Variants in CACTIN observed in about 807,000 individuals in gnomAD.
The protein encoded by CACTIN is splicing factor Cactin.
Under a neutral mutation model 84.9 loss-of-function variants are expected in CACTIN, and 20 were observed. That is an observed-to-expected ratio of 0.24 (90% CI 0.17 to 0.34). The LOEUF is 0.34. Ranked by LOEUF, CACTIN falls within the 10% of genes least tolerant of loss-of-function variation. The pLI is 1.00. For synonymous variants in CACTIN, 549 were observed against 467.9 expected (o/e 1.17, Z -2.24); for missense variants, 897 against 1,117.2 (o/e 0.80, Z 2.81).
chr19:3,617,788 G>C (rs879607235), intron 6 of CACTIN, among the ~76,000 whole-genome samples: 9 of 152,200 alleles, frequency 5.9e-5, no homozygotes, highest in Non-Finnish European at 1.2e-4. Flanking sequence ...ACCCTTAACG[G>C]ACACACCTCT....
rs778492702 is a variant in CACTIN, at chr19:3,613,404, C to T, written c.1479-39G>A. On this transcript the variant is annotated intron_variant, in intron 8 of 9. Transcript: ENST00000429344. ...GCGTTGGAGGCGCGGAGGCTGCCCA[C>T]GGCCCCTCCATCCTGCTCCGCGTCT... The T allele has an allele frequency of 8.5e-6, 13 of 1,536,562 alleles. No homozygotes were observed. The South Asian group carries it at 9.5e-5, about 11-fold the overall frequency.
At chr19:3,616,453 C>CA (rs1568293249) in intron 6 of CACTIN, 1 of 151,792 alleles carries the variant, frequency 6.6e-6, no homozygotes, top group Non-Finnish European at 1.5e-5. Context: ...TACTAAAATA[C>CA]AAAAAATTAG....
Position 3,613,239 on chromosome 19 carries a change from G to GCCCTCGCCCTCA in CACTIN, c.1593_1604dup (p.Gly535_Glu538dup). On this transcript the variant is annotated inframe_insertion, in exon 9 of 10. Coordinates refer to ENST00000429344, the MANE Select transcript of CACTIN (RefSeq NM_001080543.2). Reference sequence around the variant, plus strand: ...CCTCCATGAGCACCGCCTCGCCCTCGCCCTCGCCCTCACCGTCCCCGTCGC... The same window carrying GCCCTCGCCCTCA: ...CCTCCATGAGCACCGCCTCGCCCTCGCCCTCGCCCTCACCCTCGCCCTCACCGTCCCCGTCGC... 4.3e-6 allele frequency: 7 copies of GCCCTCGCCCTCA among 1,610,538 alleles called. No individual in the cohort carries two copies. Among genetic ancestry groups the GCCCTCGCCCTCA allele is most frequent in the Non-Finnish European group, 5.9e-6 (7 of 1,179,106 alleles).
At chr19:3,619,018 C>T (rs200351614) in intron 5 of CACTIN, 29 bp from the exon 6 acceptor site, 236 of 1,546,082 alleles carry the variant, frequency 1.5e-4, no homozygotes, top group East Asian at 9.8e-4. Context: ...GGTCAGGACA[C>T]GGGTGTGGCT....
intron 1 of CACTIN, among the ~76,000 whole-genome samples, 178 bp downstream of exon 1, chr19:3,626,418 C>G (rs1217251583): frequency 6.6e-6 from 1 of 152,260 alleles, no homozygotes; most frequent in Non-Finnish European, 1.5e-5. Flanking sequence ...GCCTGGAACG[C>G]CTCTCGCCTT....
intron 6 of CACTIN, chr19:3,616,463 G>GC (rs1388380699): frequency 6.6e-6 from 1 of 151,894 alleles, no homozygotes; most frequent in African/African-American, 2.4e-5. Context: ...CAAAAAATTA[G>GC]CCAGGTGTGG....
In CACTIN at chr19:3,612,375, G is replaced by T; in HGVS notation, c.1825C>A (p.Arg609=). The change falls in exon 10 of 10, where the codon CGG becomes AGG. Residue 609 remains arginine, a synonymous_variant. Transcript: ENST00000429344. ...TCCTGGCCCATGCCCTCCTTGGCCC[G>T]CCGGAAGAAGATGTCCTCGGCGCTC... ...SESAEDIFFR[R]AKEGMGQDEA... is the part of the protein sequence containing the mutation. The T allele has an allele frequency of 3.7e-6, 6 of 1,604,996 alleles. No homozygotes were observed. Among genetic ancestry groups the T allele is most frequent in the Non-Finnish European group, 5.1e-6 (6 of 1,177,164 alleles).
intron 2 of CACTIN, 52 bp from the exon 3 acceptor site, chr19:3,620,854 C>T (rs777989172): frequency 3.5e-6 from 5 of 1,428,636 alleles, no homozygotes. Flanking sequence ...CCCTCGCCCC[C>T]CTCCTCAGCT....
chr19:3,610,887 C>T lies in CACTIN; in HGVS notation c.*1036G>A, dbSNP rs776503386. ...CCGTTTTGCTTCTGTTGGAGATGTT[C>T]CCGTCGGATGCTGAAGAACAAGCCT... On this transcript the variant is annotated 3_prime_UTR_variant, in exon 10 of 10. Coordinates refer to ENST00000429344, the MANE Select transcript of CACTIN (RefSeq NM_001080543.2). 2.2e-6 allele frequency: 1 copy of T among 456,746 alleles called. No individual in the cohort carries two copies. The highest frequency in any genetic ancestry group is 1.5e-5 in the South Asian group (1 of 64,578). The allele number at this position is 456,746 out of a possible 1,614,324, so 28.3% of individuals were successfully genotyped here.
Position 3,619,238 on chromosome 19 carries a change from T to C in CACTIN, c.889A>G (p.Lys297Glu). The change falls in exon 5 of 10, where the codon AAG becomes GAG. Residue 297 changes from lysine (K) to glutamate (E), a missense_variant. This residue lies in a region of CACTIN where 304 missense variants were observed against 444.3 expected (regional missense o/e 0.68). Transcript: ENST00000429344. Reference protein sequence around the residue: ...FHLQQAKLRSKIRIRDGRAKP... With the variant: ...FHLQQAKLRSEIRIRDGRAKP... ...GCCCGCCCGTCCCGGATGCGGATCT[T>C]GGAACTGTGGGGAGCAGGGGAAGGT... 6.2e-7 allele frequency: 1 copy of C among 1,612,846 alleles called. No individual in the cohort carries two copies. The highest frequency in any genetic ancestry group is 8.5e-7 in the Non-Finnish European group (1 of 1,179,614).
chr19:3,622,890 G>A (rs1026465043), intron 2 of CACTIN, among the ~76,000 whole-genome samples: 16 of 152,210 alleles, frequency 1.1e-4, no homozygotes, highest in Non-Finnish European at 2.4e-4. Flanking sequence ...GCTGGTGTTC[G>A]GGGCAAAGAA....
rs367552752 is a variant in CACTIN at position 3,611,839 on chromosome 19, C to T, written c.*84G>A. The T allele has an allele frequency of 5.9e-6, 9 of 1,532,700 alleles. No homozygotes were observed. In the African/African-American group the frequency reaches 9.6e-5, roughly 16 times the overall value. The allele number at this position is 1,532,700 out of a possible 1,614,324, so 94.9% of individuals were successfully genotyped here. On this transcript the variant is annotated 3_prime_UTR_variant, in exon 10 of 10. Coordinates refer to ENST00000429344, the MANE Select transcript of CACTIN (RefSeq NM_001080543.2). ...TGAACCCGCGGCCCTGCAGCCCAGA[C>T]AGCGGCCCCGGAGTGACCACCAGCT...
At chr19:3,619,760 A>G (rs2033183831) in intron 4 of CACTIN, among the ~76,000 whole-genome samples, 1 of 152,014 alleles carries the variant, frequency 6.6e-6, no homozygotes, top group African/African-American at 2.4e-5. Context: ...GAGGAGCCTG[A>G]TGTCACCCGC....
Position 3,612,059 on chromosome 19 carries a change from G to A in CACTIN, c.2141C>T (p.Pro714Leu). 6.2e-7 allele frequency: 1 copy of A among 1,613,860 alleles called. No homozygotes were observed. Residue 714 changes from proline (P) to leucine (L), a missense_variant, in exon 10 of 10, where the codon CCG (proline) becomes CTG (leucine). Physicochemically the swap from Pro to Leu is moderately conservative, Grantham distance 98 (BLOSUM62 -3). Transcript: ENST00000429344. ...CTTGAAAGCGATGTCCTCGTAGGGC[G>A]GCCCCGCGTGGAAGCGCAGGATGGC... ...DFAILRFHAG[P>L]PYEDIAFKIV...
At chr19:3,620,856 T>C (rs1352217756) in intron 2 of CACTIN, 54 bp from the exon 3 acceptor site, 8 of 1,396,106 alleles carry the variant, frequency 5.7e-6, no homozygotes, top group Non-Finnish European at 3.0e-6. Context: ...CTCGCCCCCC[T>C]CCTCAGCTCC....
At position 3,618,954 on chromosome 19, in the gene CACTIN, G is replaced by A; in HGVS notation, c.1083C>T (p.Asp361=). The change falls in exon 6 of 10, where the codon GAC becomes GAT. Residue 361 remains aspartate, a synonymous_variant. Transcript: ENST00000429344. ...YMELEQGKNA[D]FWRDMTTITE... is the part of the protein sequence containing the mutation. Reference sequence around the variant, plus strand: ...TGATGGTGGTCATGTCCCGCCAGAAGTCGGCGTTCTTGCCCTGCTCCAGCT... The same window carrying A: ...TGATGGTGGTCATGTCCCGCCAGAAATCGGCGTTCTTGCCCTGCTCCAGCT... The A allele has an allele frequency of 1.9e-6, 3 of 1,558,868 alleles. No individual in the cohort carries two copies. Among genetic ancestry groups the A allele is most frequent in the Non-Finnish European group, 2.6e-6 (3 of 1,151,168 alleles).
chr19:3,614,000 G>A (rs552779545), intron 7 of CACTIN: 723 of 433,416 alleles, frequency 1.7e-3, no homozygotes, highest in Non-Finnish European at 2.5e-3. Flanking sequence ...GCCAGAGGCC[G>A]GGAGGCAGCA....
At position 3,623,934 on chromosome 19, in the gene CACTIN, A is replaced by G. The variant is rs1262219537; in HGVS notation, c.396T>C (p.Ala132=). The G allele has an allele frequency of 1.2e-6, 2 of 1,603,656 alleles. No homozygotes were observed. The highest frequency in any genetic ancestry group is 3.3e-5 in the Admixed American group (2 of 59,808). ...GCAGGCTCTGCTGCTGGCTCAGGGCAGCCGCGGCCGCCCGGGGGCTCTGGG... is the reference window on the plus strand; with the variant it reads ...GCAGGCTCTGCTGCTGGCTCAGGGCGGCCGCGGCCGCCCGGGGGCTCTGGG... ...GRSQSPRAAA[A]ALSQQQSLQE... Residue 132 remains alanine, a synonymous_variant, in exon 2 of 10, where the codon GCT becomes GCC. Coordinates refer to ENST00000429344, the MANE Select transcript of CACTIN (RefSeq NM_001080543.2).
chr19:3,623,542 G>A (rs868752775), intron 2 of CACTIN, 146 bp downstream of exon 2: 11 of 695,936 alleles, frequency 1.6e-5, no homozygotes, highest in Non-Finnish European at 2.4e-5. Flanking sequence ...AAAGAAAGCT[G>A]ATAGCGGCAG....
Sources: gnomAD v4.1 joint callset for allele counts (sites outside exome capture counted in the v4.1 genomes callset) on GRCh38, gnomAD v4.1.1 for gene constraint, gnomAD v4.1.1 regional missense constraint, MANE v1.5 for transcripts, NCBI Gene and HGNC (gene_info 2026-07-23, HGNC 2026-07-21) for gene names.